Variants in ERMAP observed in about 807,000 individuals in gnomAD.
ERMAP encodes the protein erythroblast membrane associated protein (Scianna blood group).
ERMAP carries 34 observed loss-of-function variants against 49.5 expected under a neutral mutation model. That is an observed-to-expected ratio of 0.69 (90% CI 0.52 to 0.91). ERMAP has a LOEUF of 0.91. Ranked by LOEUF, ERMAP falls within the 40% of genes least tolerant of loss-of-function variation. The probability of loss-of-function intolerance (pLI) is 0.00; values close to 1 mark genes in which losing one functional copy is unlikely to be tolerated. For missense variants in ERMAP, 541 were observed against 582.6 expected (o/e 0.93, Z 0.74); for synonymous variants, 214 against 232.2 (o/e 0.92, Z 0.71).
intron 2 of ERMAP, among the ~76,000 whole-genome samples, chr1:42,826,393 A>T (rs1281144319): frequency 6.6e-6 from 1 of 151,514 alleles, no homozygotes; most frequent in African/African-American, 2.4e-5. Flanking sequence ...ATTTTTTTTT[A>T]AATGATAATA....
At chr1:42,820,553 T>C (rs969175873) in intron 1 of ERMAP, among the ~76,000 whole-genome samples, 6 of 152,100 alleles carry the variant, frequency 3.9e-5, no homozygotes, top group African/African-American at 1.4e-4. Context: ...TTTTTCTTCA[T>C]GTTCCATTTC....
In ERMAP at chr1:42,843,727, C is replaced by T. The variant is rs1335112330; in HGVS notation, c.*495C>T. ...AAGCAAGCATGTTTTAGACCACTCA[C>T]TCTTTCCCTCTTTCTTCAGGAATGA... On this transcript the variant is annotated 3_prime_UTR_variant, in exon 12 of 12. Transcript: ENST00000372517. 1 of 219,646 alleles carries T rather than the reference C, an allele frequency of 4.6e-6. No individual in the cohort carries two copies. The highest frequency in any genetic ancestry group is 2.3e-5 in the African/African-American group (1 of 43,962). The allele number at this position is 219,646 out of a possible 1,614,324, so 13.6% of individuals were successfully genotyped here.
At chr1:42,826,380 CA>C (rs1654549034) in intron 2 of ERMAP, among the ~76,000 whole-genome samples, 1 of 140,310 alleles carries the variant, frequency 7.1e-6, no homozygotes, top group South Asian at 2.2e-4. Context: ...ATGAAATTGG[CA>C]AATTTTTTTT....
At chr1:42,835,589 A>C in intron 5 of ERMAP, 143 bp from the exon 6 acceptor site, 1 of 1,050,758 alleles carries the variant, frequency 9.5e-7, no homozygotes, top group Non-Finnish European at 1.4e-6. Flanking sequence ...TGGTTTGAAG[A>C]CTCTCTAATC....
chr1:42,840,820 A>G (rs1461584251), intron 11 of ERMAP, among the ~76,000 whole-genome samples: 1 of 152,140 alleles, frequency 6.6e-6, no homozygotes, highest in Non-Finnish European at 1.5e-5. Context: ...AGTCCTTCCT[A>G]TCCCACAACC....
chr1:42,844,152 A>T lies in ERMAP; in HGVS notation c.*920A>T, dbSNP rs1277124083. ...GAAGCTTTTTTTTCCCCACAAGACC[A>T]TTGTACTGCAATACTTGAGTATTTG... On this transcript the variant is annotated 3_prime_UTR_variant, in exon 12 of 12. Transcript: ENST00000372517. This position sits in a 1 kb window ranked among gnomAD's most constrained non-coding sequence, Gnocchi z 4.0. The T allele has an allele frequency of 7.5e-6, 3 of 398,486 alleles. No individual in the cohort carries two copies. Among genetic ancestry groups the T allele is most frequent in the Non-Finnish European group, 1.3e-5 (3 of 226,062 alleles). The allele number at this position is 398,486 out of a possible 1,614,324, so 24.7% of individuals were successfully genotyped here.
Position 42,842,782 on chromosome 1 carries a change from T to C in ERMAP, c.978T>C (p.Asn326=), listed in dbSNP as rs745532944. The change falls in exon 12 of 12, where the codon AAT becomes AAC. Residue 326 remains asparagine, a synonymous_variant. Transcript: ENST00000372517. ...GGAAGGTTACTGCCTCACCTGCCAA[T>C]GGACACTGGCTTCTGCGACAGAGTC... is the stretch of plus-strand genomic sequence containing the variant. ...RKGKVTASPA[N]GHWLLRQSRG... is the part of the protein sequence containing the mutation. 1.2e-6 allele frequency: 2 copies of C among 1,614,176 alleles called. No homozygotes were observed. Among genetic ancestry groups the C allele is most frequent in the South Asian group, 2.2e-5 (2 of 91,082 alleles).
chr1:42,838,133 T>C (rs1654955026), intron 7 of ERMAP, among the ~76,000 whole-genome samples: 1 of 152,132 alleles, frequency 6.6e-6, no homozygotes, highest in Non-Finnish European at 1.5e-5. Context: ...CTCACATTAT[T>C]GAGAGGATTC....
Position 42,843,073 on chromosome 1 carries a change from C to T in ERMAP, c.1269C>T (p.Val423=), listed in dbSNP as rs758226959. ...SELHKSEESI[V]PRPEGKGHAN... ...TACACAAATCAGAGGAATCAATTGT[C>T]CCCAGGCCAGAAGGGAAAGGCCATG... Residue 423 remains valine, a synonymous_variant, in exon 12 of 12, where the codon GTC becomes GTT. Coordinates refer to ENST00000372517, the MANE Select transcript of ERMAP (RefSeq NM_001017922.2). 3 of 1,614,186 alleles carry T rather than the reference C, an allele frequency of 1.9e-6. No homozygotes were observed. Among genetic ancestry groups the T allele is most frequent in the Admixed American group, 3.3e-5 (2 of 60,010 alleles).
Position 42,844,478 on chromosome 1 carries a change from G to C in ERMAP, c.*1246G>C, listed in dbSNP as rs1655157271. 1 of 177,772 alleles carries C rather than the reference G, an allele frequency of 5.6e-6. No homozygotes were observed. Among genetic ancestry groups the C allele is most frequent in the African/African-American group, 2.4e-5 (1 of 41,366 alleles). 11.0% of individuals were successfully genotyped at this position (177,772 alleles called of 1,614,324 possible). The stretch of plus-strand genomic sequence containing the variant: ...ACAGAATCAATATATATTGGGGCAG[G>C]GGGGCGGTGGTTATTATAAGGAATT... On this transcript the variant is annotated 3_prime_UTR_variant, in exon 12 of 12. Coordinates refer to ENST00000372517, the MANE Select transcript of ERMAP (RefSeq NM_001017922.2). The surrounding 1 kb of genome is among the most constrained non-coding windows in gnomAD (Gnocchi z 4.0).
chr1:42,825,729 C>A lies in ERMAP; in HGVS notation c.-15C>A. 7.8e-7 allele frequency: 1 copy of A among 1,289,392 alleles called. No individual in the cohort carries two copies. The highest frequency in any genetic ancestry group is 1.0e-6 in the Non-Finnish European group (1 of 988,874). The allele number at this position is 1,289,392 out of a possible 1,614,324, so 79.9% of individuals were successfully genotyped here. On this transcript the variant is annotated 5_prime_UTR_variant, in exon 2 of 12. Coordinates refer to ENST00000372517, the MANE Select transcript of ERMAP (RefSeq NM_001017922.2). ...TGTGAGAGGAACAAGCGTCCCTGAT[C>A]CAGAAGGTGGTGAGTCCTCCTCTCT...
At chr1:42,824,942 C>T (rs1178441215) in intron 1 of ERMAP, among the ~76,000 whole-genome samples, 2 of 152,110 alleles carry the variant, frequency 1.3e-5, no homozygotes, top group Non-Finnish European at 1.5e-5. Flanking sequence ...CTCAGCTACA[C>T]CAAAATTGGG....
intron 2 of ERMAP, among the ~76,000 whole-genome samples, chr1:42,826,875 C>T (rs1313608814): frequency 7.0e-6 from 1 of 143,836 alleles, no homozygotes; most frequent in Non-Finnish European, 1.5e-5. Context: ...AAAAAAGTTA[C>T]AAAATCACAG....
rs1253339024 is a variant in ERMAP at position 42,830,842 on chromosome 1, C to G, written c.160C>G (p.Leu54Val). The change falls in exon 4 of 12, where the codon CTC (leucine) becomes GTC (valine). Residue 54 changes from leucine (L) to valine (V), a missense_variant. Transcript: ENST00000372517. ...GTAELLCPLS[L>V]WPGTVPKEVR... The stretch of plus-strand genomic sequence containing the variant: ...AGCCGAGCTGCTCTGCCCTCTCTCC[C>G]TCTGGCCCGGGACGGTACCCAAGGA... 6.2e-7 allele frequency: 1 copy of G among 1,603,338 alleles called. No individual in the cohort carries two copies. The highest frequency in any genetic ancestry group is 2.3e-5 in the East Asian group (1 of 44,278).
Position 42,843,904 on chromosome 1 carries a change from A to G in ERMAP, c.*672A>G, listed in dbSNP as rs904013415. On this transcript the variant is annotated 3_prime_UTR_variant, in exon 12 of 12. Coordinates refer to ENST00000372517, the MANE Select transcript of ERMAP (RefSeq NM_001017922.2). ...AACTAGGTACAGCGACTTTAAATAC[A>G]GTTGCTATAATCCTGAAAAGCCCCA... 4 of 397,014 alleles carry G rather than the reference A, an allele frequency of 1.0e-5. No individual in the cohort carries two copies. Among genetic ancestry groups the G allele is most frequent in the Non-Finnish European group, 1.8e-5 (4 of 225,512 alleles). The allele number at this position is 397,014 out of a possible 1,614,324, so 24.6% of individuals were successfully genotyped here.
intron 6 of ERMAP, 22 bp downstream of exon 6, chr1:42,835,786 G>A (rs1347293714): frequency 6.3e-6 from 10 of 1,598,694 alleles, no homozygotes; most frequent in East Asian, 2.3e-5. Context: ...TGGCTGGGGG[G>A]CAGGGGAGAT....
chr1:42,843,324 T>G lies in ERMAP; in HGVS notation c.*92T>G. 2 of 927,280 alleles carry G rather than the reference T, an allele frequency of 2.2e-6. No homozygotes were observed. Among genetic ancestry groups the G allele is most frequent in the Non-Finnish European group, 1.6e-6 (1 of 630,280 alleles). The allele number at this position is 927,280 out of a possible 1,614,324, so 57.4% of individuals were successfully genotyped here. On this transcript the variant is annotated 3_prime_UTR_variant, in exon 12 of 12. Transcript: ENST00000372517. The stretch of plus-strand genomic sequence containing the variant: ...CAACCCCATGATTATGGAACGTCTC[T>G]TCACCTTAACCCAAATCCAGACCCT...
At chr1:42,838,495 G>A (rs900936446) in intron 7 of ERMAP, among the ~76,000 whole-genome samples, 2 of 152,200 alleles carry the variant, frequency 1.3e-5, no homozygotes, top group Non-Finnish European at 2.9e-5. Flanking sequence ...TTACTGTAGA[G>A]AATAATACAG....
intron 11 of ERMAP, among the ~76,000 whole-genome samples, chr1:42,840,605 C>T (rs923124646): frequency 1.3e-5 from 2 of 152,018 alleles, no homozygotes; most frequent in African/African-American, 4.8e-5. Flanking sequence ...TGTGACTTGT[C>T]TGTTCCTGTT....
Sources: allele counts gnomAD v4.1 joint callset (sites outside exome capture counted in the v4.1 genomes callset), GRCh38; gene constraint gnomAD v4.1.1; non-coding constraint Gnocchi (gnomAD v3.1); transcripts MANE v1.5; gene names NCBI Gene and HGNC (gene_info 2026-07-23, HGNC 2026-07-21).